KIAA1217: variants seen among roughly 807,000 people sequenced by gnomAD.
KIAA1217 encodes the protein KIAA1217, also known as sickle tail protein homolog.
KIAA1217 carries 88 observed loss-of-function variants against 163.9 expected under a neutral mutation model. That is an observed-to-expected ratio of 0.54 (90% CI 0.45 to 0.64). The LOEUF is 0.64. Among genes scored for constraint, KIAA1217 ranks in the 30% least tolerant of loss-of-function variants. The probability of loss-of-function intolerance (pLI) is 0.00; values close to 1 mark genes in which losing one functional copy is unlikely to be tolerated. For missense variants in KIAA1217, 2,372 were observed against 2,475.0 expected, an observed-to-expected ratio of 0.96 and a Z score of 0.88; for synonymous variants, 903 against 923.1, an observed-to-expected ratio of 0.98 and a Z score of 0.39.
chr10:24,533,264 G>T, intron 16 of KIAA1217, 27 bp downstream of exon 16: 1 of 1,581,266 alleles, frequency 6.3e-7, no homozygotes, highest in Non-Finnish European at 8.6e-7. Flanking sequence ...ACTGACATTG[G>T]CTCCTTGCCT....
chr10:24,422,395 T>C (rs1265536796), intron 3 of KIAA1217, among the ~76,000 whole-genome samples: 1 of 152,242 alleles, frequency 6.6e-6, no homozygotes, highest in East Asian at 1.9e-4. Flanking sequence ...GATACAGTTA[T>C]AGCATATTCG....
At position 24,426,695 on chromosome 10, in the gene KIAA1217, T is replaced by G. The variant is rs1431504531; in HGVS notation, c.554-6300T>G. On this transcript the variant is annotated intron_variant, in intron 3 of 20. Coordinates refer to ENST00000376454, the MANE Select transcript of KIAA1217 (RefSeq NM_019590.5). ...CACATCGGTGAGGTAAATTAATTCC[T>G]TCATTCCTGATGAGGAAATGATGGA... Among the ~76,000 whole-genome samples, 3 of 152,194 alleles carry G rather than the reference T, an allele frequency of 2.0e-5. No homozygotes were observed. The East Asian group carries it at 5.8e-4, about 29-fold the overall frequency.
intron 1 of KIAA1217, among the ~76,000 whole-genome samples, chr10:23,984,275 G>GCAGTA (rs1845882585): frequency 6.6e-6 from 1 of 152,174 alleles, no homozygotes; most frequent in Non-Finnish European, 1.5e-5. Context: ...AGTTATCTCT[G>GCAGTA]TCTATTCCTG....
intron 2 of KIAA1217, among the ~76,000 whole-genome samples, chr10:24,358,389 C>T (rs556877358): frequency 3.9e-5 from 6 of 152,156 alleles, no homozygotes; most frequent in East Asian, 1.9e-4. Flanking sequence ...TGTAGAACAC[C>T]GGGCAGGGAT....
At chr10:24,251,634 C>T (rs1374256291) in intron 2 of KIAA1217, among the ~76,000 whole-genome samples, 2 of 152,000 alleles carry the variant, frequency 1.3e-5, no homozygotes, top group Non-Finnish European at 2.9e-5. Flanking sequence ...TGGGGCTCCC[C>T]CTCTCCATCC....
intron 1 of KIAA1217, among the ~76,000 whole-genome samples, chr10:23,859,548 A>G (rs879429640): frequency 6.6e-6 from 1 of 152,220 alleles, no homozygotes; most frequent in Non-Finnish European, 1.5e-5. Context: ...CACCCAAGGG[A>G]TTACCACTAT....
At chr10:24,517,730 C>T (rs983830291) in intron 10 of KIAA1217, among the ~76,000 whole-genome samples, 14 of 152,160 alleles carry the variant, frequency 9.2e-5, no homozygotes, top group African/African-American at 3.4e-4. Flanking sequence ...CACAGTGATT[C>T]ACACCTATAA....
At chr10:23,959,088 A>T (rs1320799542) in intron 1 of KIAA1217, among the ~76,000 whole-genome samples, 3 of 151,936 alleles carry the variant, frequency 2.0e-5, no homozygotes, top group Non-Finnish European at 4.4e-5. Context: ...AAAGAAGGAA[A>T]AGGTGAGGCA....
intron 1 of KIAA1217, among the ~76,000 whole-genome samples, chr10:23,754,794 G>A (rs918085172): frequency 4.0e-5 from 6 of 151,054 alleles, no homozygotes; most frequent in Admixed American, 6.6e-5. Flanking sequence ...TCTGGGCATC[G>A]CCTGAGAGAA....
At chr10:23,926,660 G>A (rs897410088) in intron 1 of KIAA1217, among the ~76,000 whole-genome samples, 3 of 152,020 alleles carry the variant, frequency 2.0e-5, no homozygotes, top group African/African-American at 4.8e-5. Flanking sequence ...GGGAGGCGGA[G>A]GTTGCAGTGA....
intron 1 of KIAA1217, among the ~76,000 whole-genome samples, chr10:23,927,664 C>A (rs1290569644): frequency 1.3e-5 from 2 of 152,058 alleles, no homozygotes; most frequent in Admixed American, 6.6e-5. Flanking sequence ...GATTTATAAA[C>A]CCTCTGTCCT....
chr10:24,507,803 A>T (rs954042030), intron 9 of KIAA1217, among the ~76,000 whole-genome samples: 1 of 152,224 alleles, frequency 6.6e-6, no homozygotes, highest in Non-Finnish European at 1.5e-5. Flanking sequence ...ACCAAAGCAC[A>T]TGGTAGTCAA....
intron 2 of KIAA1217, among the ~76,000 whole-genome samples, chr10:24,301,797 C>T (rs944042646): frequency 1.3e-5 from 2 of 152,152 alleles, no homozygotes; most frequent in Non-Finnish European, 2.9e-5. Context: ...AAAATCCCAG[C>T]ACTTTGGGAG....
chr10:24,265,417 C>T (rs1027943548), intron 2 of KIAA1217, among the ~76,000 whole-genome samples: 1 of 152,174 alleles, frequency 6.6e-6, no homozygotes, highest in African/African-American at 2.4e-5. Flanking sequence ...AGCTCACATG[C>T]CTTAATCCCA....
At chr10:24,405,581 A>G (rs1396346160) in intron 3 of KIAA1217, among the ~76,000 whole-genome samples, 2 of 152,192 alleles carry the variant, frequency 1.3e-5, no homozygotes, top group Non-Finnish European at 2.9e-5. Flanking sequence ...TACTTGAAAT[A>G]TTTTTATGAT....
At chr10:23,816,849 C>G (rs1351988274) in intron 1 of KIAA1217, among the ~76,000 whole-genome samples, 2 of 152,100 alleles carry the variant, frequency 1.3e-5, no homozygotes, top group Non-Finnish European at 2.9e-5. Context: ...CCTTTGGGCA[C>G]TATTCTTTGT....
intron 2 of KIAA1217, among the ~76,000 whole-genome samples, chr10:24,180,007 A>G (rs138684303): frequency 0.017 from 2,556 of 152,268 alleles, 24 homozygotes; most frequent in Middle Eastern, 0.058. Context: ...AATCAGTTTT[A>G]TTATGCAGAC....
At chr10:23,716,334 A>G (rs1837567434) in intron 1 of KIAA1217, among the ~76,000 whole-genome samples, 1 of 152,172 alleles carries the variant, frequency 6.6e-6, no homozygotes, top group Admixed American at 6.6e-5. Flanking sequence ...TTGGTTTCTT[A>G]TGCATACATT....
intron 2 of KIAA1217, among the ~76,000 whole-genome samples, chr10:24,054,035 T>G (rs964226972): frequency 2.0e-5 from 3 of 152,102 alleles, no homozygotes; most frequent in Non-Finnish European, 4.4e-5. Context: ...TCAGTGAACA[T>G]TTATTAGGCT....
Sources: allele counts gnomAD v4.1 joint callset (sites outside exome capture counted in the v4.1 genomes callset), GRCh38; gene constraint gnomAD v4.1.1; transcripts MANE v1.5; gene names NCBI Gene and HGNC (gene_info 2026-07-23, HGNC 2026-07-21).